CFAP20DC: variants seen among roughly 807,000 people sequenced by gnomAD.
CFAP20DC encodes the protein protein CFAP20DC.
A neutral mutation model predicts 101.7 loss-of-function variants in CFAP20DC; 84 were observed. The observed-to-expected ratio is 0.83, with a 90% confidence interval of 0.69 to 0.99. The LOEUF is 0.99. CFAP20DC is among the 50% of genes least tolerant of loss of function. CFAP20DC has a pLI of 0.00. For synonymous variants in CFAP20DC, 359 were observed against 351.2 expected, an observed-to-expected ratio of 1.02 and a Z score of -0.25; for missense variants, 1,007 against 970.3, an observed-to-expected ratio of 1.04 and a Z score of -0.50.
intron 4 of CFAP20DC, among the ~76,000 whole-genome samples, chr3:58,978,537 C>T (rs111706998): frequency 3.3e-5 from 5 of 151,958 alleles, no homozygotes; most frequent in African/African-American, 1.2e-4. Flanking sequence ...GGTGAAACCC[C>T]ATCTCTGCTA....
intron 6 of CFAP20DC, among the ~76,000 whole-genome samples, chr3:58,885,484 C>T (rs1559765839): frequency 1.3e-5 from 2 of 151,924 alleles, no homozygotes; most frequent in Non-Finnish European, 2.9e-5. Flanking sequence ...TTGGTGGGTA[C>T]ACTCAATATC....
At chr3:58,903,557 C>G (rs563902857) in intron 6 of CFAP20DC, among the ~76,000 whole-genome samples, 1 of 152,268 alleles carries the variant, frequency 6.6e-6, no homozygotes, top group African/African-American at 2.4e-5. Flanking sequence ...GACAAGGCCT[C>G]AGGAAACTTA....
Position 58,911,780 on chromosome 3 carries a change from T to C in CFAP20DC, c.550+1928A>G, listed in dbSNP as rs1026692359. On this transcript the variant is annotated intron_variant, in intron 6 of 16. Transcript: ENST00000482387. ...GTCTATCAAGTGCCTGATGCACCCA[T>C]GTTCAAAAGCTCTCTGATTCAGTTT... 3.3e-5 allele frequency among the ~76,000 whole-genome samples: 5 copies of C among 152,156 alleles called. No homozygotes were observed. In the East Asian group the frequency reaches 9.6e-4, roughly 29 times the overall value.
At chr3:58,824,678 T>C (rs952188517) in intron 14 of CFAP20DC, 2 of 152,206 alleles carry the variant, frequency 1.3e-5, no homozygotes, top group Non-Finnish European at 2.9e-5. Context: ...AACCTCACCA[T>C]ATGCCTGCAG....
At chr3:58,718,377 G>A (rs188079539) in intron 3 of CFAP20DC, among the ~76,000 whole-genome samples, 1 of 152,284 alleles carries the variant, frequency 6.6e-6, no homozygotes, top group Non-Finnish European at 1.5e-5. Context: ...CAGAGCATGT[G>A]GAAATGCAGG....
chr3:58,859,586 G>A lies in CFAP20DC; in HGVS notation c.1593+3972C>T, dbSNP rs1048299399. 1.3e-5 allele frequency among the ~76,000 whole-genome samples: 2 copies of A among 152,146 alleles called. No individual in the cohort carries two copies. Among genetic ancestry groups the A allele is most frequent in the Non-Finnish European group, 2.9e-5 (2 of 68,022 alleles). ...CCAAGAGACCTGTGACTTTTTCAGA[G>A]AAGAGCTTCAATAGATAATAATAAA... On this transcript the variant is annotated intron_variant, in intron 12 of 16. Transcript: ENST00000482387. The surrounding 1 kb of genome is among the most constrained non-coding windows in gnomAD (Gnocchi z 4.1).
At chr3:59,016,705 A>T (rs1161935690) in intron 4 of CFAP20DC, among the ~76,000 whole-genome samples, 1 of 152,104 alleles carries the variant, frequency 6.6e-6, no homozygotes, top group Non-Finnish European at 1.5e-5. Flanking sequence ...TTTAACCCAC[A>T]GATTGCTGGG....
rs536448205 is a variant in CFAP20DC, at chr3:58,816,863, G to T, written c.2176-10407C>A. ...GGCACAGACAAACAAAAAGACAGCAGTAACCTCTGCAGACTTAAGTGTCCC... is the reference window on the plus strand; with the variant it reads ...GGCACAGACAAACAAAAAGACAGCATTAACCTCTGCAGACTTAAGTGTCCC... On this transcript the variant is annotated intron_variant, in intron 14 of 16. Transcript: ENST00000482387. Among the ~76,000 whole-genome samples, 17 of 152,314 alleles carry T rather than the reference G, an allele frequency of 1.1e-4. No homozygotes were observed. The South Asian group carries it at 3.5e-3, about 32-fold the overall frequency.
chr3:58,857,979 T>G (rs761863688), intron 12 of CFAP20DC, among the ~76,000 whole-genome samples: 1 of 152,160 alleles, frequency 6.6e-6, no homozygotes, highest in Non-Finnish European at 1.5e-5. Context: ...ACATATAAAT[T>G]TATTATGTGC....
intron 2 of CFAP20DC, among the ~76,000 whole-genome samples, chr3:59,046,683 C>T (rs1699889022): frequency 6.6e-6 from 1 of 151,978 alleles, no homozygotes; most frequent in African/African-American, 2.4e-5. Context: ...CCTAAAGTTC[C>T]CAATGAAGTT....
rs201334818 is a variant in CFAP20DC, at chr3:58,847,351, T to C, written c.1971+1681A>G. 3.9e-3 allele frequency among the ~76,000 whole-genome samples: 566 copies of C among 145,620 alleles called. 3 individuals carry two copies. Among genetic ancestry groups the C allele is most frequent in the African/African-American group, 0.014 (546 of 38,532 alleles). On this transcript the variant is annotated intron_variant, in intron 13 of 16. Transcript: ENST00000482387. ...ACAAACAACCCCATCAAAAAGTGGG[T>C]GAAGGACATGAACAGACACTTCTCA...
intron 3 of CFAP20DC, chr3:58,734,420 A>C: frequency 2.6e-6 from 1 of 381,298 alleles, no homozygotes; most frequent in Non-Finnish European, 5.2e-6. Flanking sequence ...TCGGTCTGAC[A>C]GGCCTAGGCT....
At chr3:58,875,729 G>A (rs892677869) in intron 7 of CFAP20DC, among the ~76,000 whole-genome samples, 5 of 152,252 alleles carry the variant, frequency 3.3e-5, no homozygotes, top group Admixed American at 1.3e-4. Flanking sequence ...GCCTATTGTA[G>A]ATAATGGATA....
downstream of CFAP20DC, among the ~76,000 whole-genome samples, chr3:58,740,590 T>G (rs920092553): frequency 6.6e-6 from 1 of 152,230 alleles, no homozygotes; most frequent in Non-Finnish European, 1.5e-5. This position sits in a 1 kb window ranked among gnomAD's most constrained non-coding sequence, Gnocchi z 4.6. Context: ...CAGAGTTCAC[T>G]ACAGTCCTCT....
chr3:58,793,400 G>GT (rs1333139853), intron 15 of CFAP20DC, among the ~76,000 whole-genome samples: 1 of 152,118 alleles, frequency 6.6e-6, no homozygotes, highest in Non-Finnish European at 1.5e-5. Flanking sequence ...ATGGCTGGTT[G>GT]TTTTTGTTTG....
intron 7 of CFAP20DC, among the ~76,000 whole-genome samples, chr3:58,875,375 G>A (rs2080658063): frequency 6.6e-6 from 1 of 152,118 alleles, no homozygotes; most frequent in African/African-American, 2.4e-5. Flanking sequence ...TGTGCCTTTT[G>A]TGACTAAGTA....
chr3:58,989,429 C>A (rs887936183), intron 4 of CFAP20DC, among the ~76,000 whole-genome samples: 5 of 152,096 alleles, frequency 3.3e-5, no homozygotes, highest in East Asian at 1.9e-4. Context: ...CAGCATTACT[C>A]ATTTCCTGTT....
chr3:58,890,329 C>T (rs2082071226), intron 6 of CFAP20DC, among the ~76,000 whole-genome samples: 3 of 145,580 alleles, frequency 2.1e-5, no homozygotes, highest in Admixed American at 1.3e-4. Flanking sequence ...CACCTCCCTC[C>T]CGGACGGGGC....
chr3:58,972,360 C>T (rs963154545), intron 4 of CFAP20DC, among the ~76,000 whole-genome samples: 1 of 152,042 alleles, frequency 6.6e-6, no homozygotes, highest in African/African-American at 2.4e-5. Context: ...CAGCTCAATG[C>T]TATAATATAA....
Sources: gnomAD v4.1 joint callset for allele counts (sites outside exome capture counted in the v4.1 genomes callset) on GRCh38, gnomAD v4.1.1 for gene constraint, Gnocchi (gnomAD v3.1) non-coding constraint, MANE v1.5 for transcripts, NCBI Gene and HGNC (gene_info 2026-07-23, HGNC 2026-07-21) for gene names.